LDB3: variants seen among roughly 807,000 people sequenced by gnomAD.
LDB3 encodes LIM domain-binding protein 3.
Under a neutral mutation model 69.0 loss-of-function variants are expected in LDB3, and 49 were observed. The observed-to-expected ratio is 0.71, with a 90% CI of 0.56 to 0.90. The LOEUF (loss-of-function observed/expected upper bound fraction) is 0.90, where lower values mean the gene tolerates loss of function less well. Ranked by LOEUF, LDB3 falls within the 40% of genes least tolerant of loss-of-function variation. LDB3 has a pLI of 0.00. For missense variants in LDB3, 928 were observed against 974.1 expected (o/e 0.95, Z 0.63); for synonymous variants, 387 against 396.2 (o/e 0.98, Z 0.28).
At chr10:86,687,248 A>G in intron 5 of LDB3, 1 of 1,614,176 alleles carries the variant, frequency 6.2e-7, no homozygotes, top group East Asian at 2.2e-5. Flanking sequence ...GGGCAGGCCC[A>G]AGCCCAAGGC....
intron 2 of LDB3, among the ~76,000 whole-genome samples, chr10:86,676,782 A>G (rs533263366): frequency 6.6e-6 from 1 of 152,202 alleles, no homozygotes; most frequent in East Asian, 1.9e-4. Flanking sequence ...TGGGCTGGAC[A>G]CTGGTGACTG....
At chr10:86,683,542 G>C (rs1845278770) in intron 5 of LDB3, among the ~76,000 whole-genome samples, 1 of 152,234 alleles carries the variant, frequency 6.6e-6, no homozygotes, top group Non-Finnish European at 1.5e-5. Flanking sequence ...GTACTCTGCT[G>C]TCGGTGCAGG....
chr10:86,722,974 A>G (rs1410852419), intron 12 of LDB3, among the ~76,000 whole-genome samples: 6 of 152,128 alleles, frequency 3.9e-5, no homozygotes, highest in Admixed American at 2.6e-4. Context: ...ATTTATTTAA[A>G]TATGGAACAC....
intron 4 of LDB3, among the ~76,000 whole-genome samples, chr10:86,680,852 G>A (rs1020665956): frequency 1.3e-5 from 2 of 152,232 alleles, no homozygotes; most frequent in Non-Finnish European, 2.9e-5. Flanking sequence ...ATTGGGCAGG[G>A]CAGTGGGGAG....
intron 9 of LDB3, 92 bp from the exon 10 acceptor site, chr10:86,716,235 C>A: frequency 6.9e-7 from 1 of 1,448,666 alleles, no homozygotes; most frequent in Non-Finnish European, 9.7e-7. Context: ...ATGTTAAAGT[C>A]ACCTTTTGCA....
At chr10:86,701,245 C>T (rs531395385) in intron 7 of LDB3, among the ~76,000 whole-genome samples, 33 of 152,286 alleles carry the variant, frequency 2.2e-4, no homozygotes, top group Admixed American at 1.0e-3. Flanking sequence ...TTGCAAGGCC[C>T]AAGGGTGGGT....
At chr10:86,717,825 G>A in intron 10 of LDB3, 139 bp from the exon 11 acceptor site, 4 of 787,198 alleles carry the variant, frequency 5.1e-6, no homozygotes, top group Non-Finnish European at 8.1e-6. Flanking sequence ...AGCTTTCTCT[G>A]AATTTCACAT....
intron 10 of LDB3, among the ~76,000 whole-genome samples, chr10:86,717,437 C>G (rs1419093088): frequency 6.6e-6 from 1 of 152,154 alleles, no homozygotes; most frequent in Non-Finnish European, 1.5e-5. Flanking sequence ...GACTGCTAAC[C>G]TGGAACTAGA....
Position 86,692,079 on chromosome 10 carries a change from C to T in LDB3, c.859+14C>T. On this transcript the variant is annotated intron_variant, in intron 6 of 13. Transcript: ENST00000361373. The stretch of plus-strand genomic sequence containing the variant: ...GGACAGAATTCAGTGAGTGCAGGCT[C>T]TCAGGGTGGCTGCAGAGGAGGGAGA... 6.2e-7 allele frequency: 1 copy of T among 1,613,774 alleles called. No individual in the cohort carries two copies. Among genetic ancestry groups the T allele is most frequent in the Non-Finnish European group, 8.5e-7 (1 of 1,179,970 alleles).
chr10:86,695,844 T>G (rs1448238731), intron 7 of LDB3, among the ~76,000 whole-genome samples: 1 of 152,136 alleles, frequency 6.6e-6, no homozygotes, highest in Non-Finnish European at 1.5e-5. Context: ...GGCATCTGGA[T>G]CCCACTGCTG....
chr10:86,693,102 C>A (rs1405595572), intron 7 of LDB3, among the ~76,000 whole-genome samples: 1 of 152,142 alleles, frequency 6.6e-6, no homozygotes, highest in African/African-American at 2.4e-5. Context: ...AAGAACAAGC[C>A]CTGGACATGA....
rs777637914 is a variant in LDB3 at position 86,691,984 on chromosome 10, G to A, written c.778G>A (p.Ala260Thr). 4 of 1,614,086 alleles carry A rather than the reference G, an allele frequency of 2.5e-6. No individual in the cohort carries two copies. Among genetic ancestry groups the A allele is most frequent in the Non-Finnish European group, 3.4e-6 (4 of 1,180,058 alleles). Residue 260 changes from alanine to threonine, a missense_variant, in exon 6 of 14, where the codon GCT (alanine) becomes ACT (threonine). Transcript: ENST00000361373. Reference sequence around the variant, plus strand: ...GAGCCAGAACAAGCCAGAAGATGAGGCTGACGAGTGGGCACGCCGTTCCTC... The same window carrying A: ...GAGCCAGAACAAGCCAGAAGATGAGACTGACGAGTGGGCACGCCGTTCCTC... ...IKSQNKPEDEADEWARRSSNL... is the reference protein window; with the variant it reads ...IKSQNKPEDETDEWARRSSNL...
intron 8 of LDB3, 54 bp downstream of exon 8, chr10:86,706,773 C>A: frequency 6.5e-7 from 1 of 1,546,138 alleles, no homozygotes. Context: ...GCAGGAAACG[C>A]CCCACTCTGG....
At chr10:86,684,897 A>G (rs1294684211) in intron 5 of LDB3, among the ~76,000 whole-genome samples, 1 of 152,212 alleles carries the variant, frequency 6.6e-6, no homozygotes, top group African/African-American at 2.4e-5. Context: ...TGCTTTCCCT[A>G]CAGAGACCAT....
In LDB3 at chr10:86,692,795, C is replaced by T. The variant is rs575069116; in HGVS notation, c.896+224C>T. Reference sequence around the variant, plus strand: ...GTCCTCCAGGCCCAGGCTACAAGAGCGAAGGCTCTGGGCTCTCCCAGCTTC... The same window carrying T: ...GTCCTCCAGGCCCAGGCTACAAGAGTGAAGGCTCTGGGCTCTCCCAGCTTC... On this transcript the variant is annotated intron_variant, in intron 7 of 13. Coordinates refer to ENST00000361373, the MANE Select transcript of LDB3 (RefSeq NM_007078.3). Among the ~76,000 whole-genome samples, 31 of 152,340 alleles carry T rather than the reference C, an allele frequency of 2.0e-4. 1 individual carries two copies. Among genetic ancestry groups the T allele is most frequent in the African/African-American group, 6.0e-4 (25 of 41,586 alleles).
rs748309696 is a variant in LDB3 at position 86,732,870 on chromosome 10, T to C, written c.2095-17T>C. 7 of 1,607,152 alleles carry C rather than the reference T, an allele frequency of 4.4e-6. No homozygotes were observed. The highest frequency in any genetic ancestry group is 6.0e-6 in the Non-Finnish European group (7 of 1,174,246). ...CTGTGCCACGTGGGTCTCACGCAGG[T>C]CTGTTCTCTGCTCCAGGTCTGCCAT... On this transcript the variant is annotated splice_polypyrimidine_tract_variant and intron_variant, in intron 13 of 13. Coordinates refer to ENST00000361373, the MANE Select transcript of LDB3 (RefSeq NM_007078.3).
At position 86,732,923 on chromosome 10, in the gene LDB3, T is replaced by G. The variant is rs760340176; in HGVS notation, c.2131T>G (p.Ser711Ala). Residue 711 changes from serine to alanine, a missense_variant, in exon 14 of 14, where the codon TCC (serine) becomes GCC (alanine). Physicochemically the swap from Ser to Ala is moderately conservative, Grantham distance 99. Transcript: ENST00000361373. ...HVNLEGQPFY[S>A]KKDRPLCKKH... is the part of the protein sequence containing the mutation. Reference sequence around the variant, plus strand: ...GAATCTGGAGGGGCAGCCGTTCTACTCCAAGAAGGACAGACCCCTGTGCAA... The same window carrying G: ...GAATCTGGAGGGGCAGCCGTTCTACGCCAAGAAGGACAGACCCCTGTGCAA... 2 of 1,613,978 alleles carry G rather than the reference T, an allele frequency of 1.2e-6. No homozygotes were observed.
Position 86,716,355 on chromosome 10 carries a change from A to G in LDB3, c.1260A>G (p.Pro420=). The G allele has an allele frequency of 1.2e-6, 2 of 1,609,226 alleles. No homozygotes were observed. ...CTGCATCTACCTACAGCCCGTCCCC[A>G]GGGGCCAATTACAGTCCCACTCCCT... ...PVPASTYSPS[P]GANYSPTPYT... Residue 420 remains proline, a synonymous_variant, in exon 10 of 14, where the codon CCA becomes CCG. Coordinates refer to ENST00000361373, the MANE Select transcript of LDB3 (RefSeq NM_007078.3).
At chr10:86,687,351 A>G in intron 5 of LDB3, 1 of 1,408,212 alleles carries the variant, frequency 7.1e-7, no homozygotes, top group East Asian at 2.3e-5. Flanking sequence ...CATCGGGACC[A>G]GCTTTCTTCC....
Sources: gnomAD v4.1 joint callset for allele counts (sites outside exome capture counted in the v4.1 genomes callset) on GRCh38, gnomAD v4.1.1 for gene constraint, MANE v1.5 for transcripts, NCBI Gene and HGNC (gene_info 2026-07-23, HGNC 2026-07-21) for gene names.